FRMPD4: variants seen among roughly 807,000 people sequenced by gnomAD.
FRMPD4 encodes the protein FERM and PDZ domain-containing protein 4.
A neutral mutation model predicts 94.1 loss-of-function variants in FRMPD4; 22 were observed. The observed-to-expected ratio is 0.23, with a 90% CI of 0.17 to 0.33. The LOEUF is 0.33. Ranked by LOEUF, FRMPD4 falls within the 10% of genes least tolerant of loss-of-function variation. FRMPD4 has a pLI of 1.00. For missense variants in FRMPD4, 1,111 were observed against 1,339.9 expected (o/e 0.83, Z 2.67); for synonymous variants, 631 against 548.6 (o/e 1.15, Z -2.10).
intron 1 of FRMPD4, among the ~76,000 whole-genome samples, chrX:12,166,140 G>C (rs2056113249): frequency 9.0e-6 from 1 of 111,640 alleles, no homozygotes; most frequent in South Asian, 3.8e-4. Flanking sequence ...GTTTTCAAAG[G>C]GAATGCTTCC....
chrX:12,633,937 G>T (rs1276380607), intron 4 of FRMPD4, among the ~76,000 whole-genome samples: 1 of 112,412 alleles, frequency 8.9e-6, no homozygotes, highest in East Asian at 2.8e-4. Context: ...ATAAAATATA[G>T]ATTCATTTCT....
At chrX:12,201,315 G>A (rs1042518394) in intron 1 of FRMPD4, among the ~76,000 whole-genome samples, 50 of 112,130 alleles carry the variant, frequency 4.5e-4, no homozygotes, top group Non-Finnish European at 8.5e-4. Flanking sequence ...GTATTGAAAA[G>A]CATTTACAAA....
At chrX:12,007,437 C>A (rs1336699458) in intron 3 of FRMPD4, among the ~76,000 whole-genome samples, 3 of 112,043 alleles carry the variant, frequency 2.7e-5, no homozygotes, top group Admixed American at 9.4e-5. Context: ...ATAATAGCAT[C>A]TCTTTTTTCT....
At chrX:12,266,818 A>G (rs1428407294) in intron 1 of FRMPD4, among the ~76,000 whole-genome samples, 1 of 112,102 alleles carries the variant, frequency 8.9e-6, no homozygotes, top group African/African-American at 3.2e-5. Flanking sequence ...AGTAGCCTAT[A>G]GTGGATTTGG....
At chrX:12,192,917 T>C (rs2056507914) in intron 1 of FRMPD4, among the ~76,000 whole-genome samples, 1 of 112,068 alleles carries the variant, frequency 8.9e-6, no homozygotes, top group African/African-American at 3.2e-5. Flanking sequence ...GAAGGTGTTA[T>C]ACAACCAGAA....
intron 2 of FRMPD4, among the ~76,000 whole-genome samples, chrX:12,525,894 T>G (rs1409104896): frequency 8.9e-6 from 1 of 112,437 alleles, no homozygotes; most frequent in African/African-American, 3.2e-5. Flanking sequence ...GTTGATAATC[T>G]TTTCATATGC....
chrX:12,262,109 C>T (rs894264952), intron 1 of FRMPD4, among the ~76,000 whole-genome samples: 1 of 111,206 alleles, frequency 9.0e-6, no homozygotes, highest in Non-Finnish European at 1.9e-5. Flanking sequence ...AAATCTTGTC[C>T]CCTGCCTGTT....
intron 3 of FRMPD4, among the ~76,000 whole-genome samples, chrX:11,954,420 T>A (rs964500902): frequency 2.7e-5 from 3 of 112,088 alleles, no homozygotes; most frequent in African/African-American, 9.7e-5. Context: ...TGAGGAGTCA[T>A]GAATTACACA....
chrX:12,014,822 C>T lies in FRMPD4; in HGVS notation c.95+136804C>T, dbSNP rs139751213. Among the ~76,000 whole-genome samples the T allele has an allele frequency of 3.8e-3, 426 of 110,758 alleles. 1 individual carries two copies. The highest frequency in any genetic ancestry group is 6.2e-3 in the Non-Finnish European group (328 of 52,893). On this transcript the variant is annotated intron_variant, in intron 3 of 18. Transcript: ENST00000640291. ...TATTGAGTATAAGCTTCAGTGGAGG[C>T]GATAACTGCATAAGTACCGTAGCCC...
intron 16 of FRMPD4, among the ~76,000 whole-genome samples, chrX:12,719,936 T>G (rs2042186842): frequency 9.2e-6 from 1 of 108,898 alleles, no homozygotes; most frequent in African/African-American, 3.4e-5. Context: ...TTAAAAAGAT[T>G]CACTTATTTA....
intron 4 of FRMPD4, among the ~76,000 whole-genome samples, chrX:12,662,139 C>T (rs981106757): frequency 1.8e-5 from 2 of 111,341 alleles, no homozygotes; most frequent in African/African-American, 6.5e-5. Context: ...CCACCAGCAG[C>T]GAGTTTAAGG....
At chrX:12,289,493 CATA>C (rs1569219646) in intron 1 of FRMPD4, among the ~76,000 whole-genome samples, 2 of 111,942 alleles carry the variant, frequency 1.8e-5, no homozygotes, top group Non-Finnish European at 3.8e-5. Flanking sequence ...TAGTGGTCAT[CATA>C]TTGGACAATG....
At chrX:12,057,498 T>C (rs962853307) in intron 3 of FRMPD4, among the ~76,000 whole-genome samples, 3 of 112,188 alleles carry the variant, frequency 2.7e-5, no homozygotes, top group Admixed American at 9.5e-5. Context: ...TGAAGTATAC[T>C]TTCTGAAAAT....
intron 1 of FRMPD4, among the ~76,000 whole-genome samples, chrX:12,175,009 T>C (rs1188620077): frequency 8.9e-6 from 1 of 112,459 alleles, no homozygotes; most frequent in African/African-American, 3.2e-5. Context: ...TTTTGATAGT[T>C]GCATGTCTTC....
chrX:12,509,514 C>T (rs774690656), intron 2 of FRMPD4, among the ~76,000 whole-genome samples: 31 of 111,749 alleles, frequency 2.8e-4, no homozygotes, highest in African/African-American at 9.4e-4. Context: ...TGTTCTCACT[C>T]ATAAGTGGGA....
intron 3 of FRMPD4, among the ~76,000 whole-genome samples, chrX:11,993,147 A>G (rs2054474720): frequency 9.0e-6 from 1 of 110,993 alleles, no homozygotes; most frequent in African/African-American, 3.3e-5. Context: ...TTTCTAAAAC[A>G]TTAGGCTTTT....
intron 1 of FRMPD4, among the ~76,000 whole-genome samples, chrX:11,847,591 A>T (rs1197506053): frequency 4.3e-4 from 46 of 108,136 alleles, no homozygotes; most frequent in African/African-American, 1.6e-3. Context: ...ACGTATGTTT[A>T]TTGCGGCAGT....
intron 3 of FRMPD4, among the ~76,000 whole-genome samples, chrX:11,996,331 T>A (rs977819790): frequency 2.7e-5 from 3 of 111,728 alleles, no homozygotes; most frequent in Non-Finnish European, 5.7e-5. Context: ...AGCAGAAGAT[T>A]CCCTCTCCAG....
intron 1 of FRMPD4, among the ~76,000 whole-genome samples, chrX:12,268,214 T>C (rs888333758): frequency 4.5e-5 from 5 of 112,023 alleles, no homozygotes; most frequent in Non-Finnish European, 7.5e-5. Context: ...TCACATTGCA[T>C]TGGCAAGAGT....
Sources: allele counts gnomAD v4.1 joint callset (sites outside exome capture counted in the v4.1 genomes callset), GRCh38; gene constraint gnomAD v4.1.1; transcripts MANE v1.5; gene names NCBI Gene and HGNC (gene_info 2026-07-23, HGNC 2026-07-21).